The following CPQ variants were observed in gnomAD, a reference collection of about 807,000 sequenced individuals.
CPQ encodes Ser-Met dipeptidase.
A neutral mutation model predicts 45.7 loss-of-function variants in CPQ; 37 were observed. The observed-to-expected ratio is 0.81, with a 90% CI of 0.62 to 1.07. The LOEUF (loss-of-function observed/expected upper bound fraction) is 1.07. Among genes scored for constraint, CPQ ranks in the 50% least tolerant of loss-of-function variants. The pLI, the probability that CPQ is intolerant of heterozygous loss-of-function variation, is 0.00. For missense variants in CPQ, 537 were observed against 572.9 expected, an observed-to-expected ratio of 0.94 and a Z score of 0.64; for synonymous variants, 186 against 205.8, an observed-to-expected ratio of 0.90 and a Z score of 0.82.
intron 1 of CPQ, among the ~76,000 whole-genome samples, chr8:96,780,550 A>G (rs1586397729): frequency 6.6e-6 from 1 of 152,326 alleles, no homozygotes; most frequent in African/African-American, 2.4e-5. Flanking sequence ...GGTAAAATCA[A>G]TAATAACACA....
At chr8:96,863,738 G>T (rs1811961524) in intron 3 of CPQ, among the ~76,000 whole-genome samples, 1 of 152,018 alleles carries the variant, frequency 6.6e-6, no homozygotes, top group Non-Finnish European at 1.5e-5. Flanking sequence ...AAACAGCTTT[G>T]CTAGGCTCTT....
chr8:97,079,441 C>T (rs893511105), intron 7 of CPQ, among the ~76,000 whole-genome samples: 25 of 152,158 alleles, frequency 1.6e-4, no homozygotes, highest in African/African-American at 5.8e-4. Context: ...TTACTTATCT[C>T]ATAATTTCAT....
At chr8:96,990,014 C>T (rs1809060690) in intron 5 of CPQ, among the ~76,000 whole-genome samples, 1 of 152,146 alleles carries the variant, frequency 6.6e-6, no homozygotes, top group Admixed American at 6.6e-5. Flanking sequence ...GACACATCTT[C>T]TCTTGCACCA....
chr8:96,812,144 T>G (rs1811167928), intron 2 of CPQ, among the ~76,000 whole-genome samples: 3 of 152,148 alleles, frequency 2.0e-5, no homozygotes, highest in Admixed American at 1.3e-4. Context: ...AAATTTGCAT[T>G]TAAGAAAACT....
At chr8:96,651,298 A>G (rs188627834) in intron 1 of CPQ, among the ~76,000 whole-genome samples, 1 of 152,348 alleles carries the variant, frequency 6.6e-6, no homozygotes, top group East Asian at 1.9e-4. Context: ...ATGTAAATTC[A>G]CCAATATAGT....
At chr8:96,669,901 A>G (rs1355176272) in intron 1 of CPQ, among the ~76,000 whole-genome samples, 2 of 152,216 alleles carry the variant, frequency 1.3e-5, no homozygotes, top group African/African-American at 4.8e-5. Flanking sequence ...GGAAATACAG[A>G]GCTAGATTCC....
chr8:96,882,140 TA>T (rs1175257375), intron 4 of CPQ, among the ~76,000 whole-genome samples: 2 of 152,156 alleles, frequency 1.3e-5, no homozygotes, highest in Non-Finnish European at 2.9e-5. Flanking sequence ...TGTACTGCAG[TA>T]AAGATTCATT....
intron 4 of CPQ, among the ~76,000 whole-genome samples, chr8:96,911,384 G>C (rs1336096669): frequency 6.6e-6 from 1 of 152,102 alleles, no homozygotes; most frequent in Non-Finnish European, 1.5e-5. Flanking sequence ...CTCACCCAGG[G>C]GTCTGAGAGC....
At chr8:97,009,231 G>A (rs1293320466) in intron 5 of CPQ, among the ~76,000 whole-genome samples, 1 of 152,186 alleles carries the variant, frequency 6.6e-6, no homozygotes, top group Admixed American at 6.5e-5. Context: ...CTGGCCTCTA[G>A]CAATTATAAT....
intron 7 of CPQ, among the ~76,000 whole-genome samples, chr8:97,091,673 A>G (rs78393624): frequency 0.014 from 2,090 of 152,296 alleles, 46 homozygotes; most frequent in African/African-American, 0.047. Context: ...TTCAAAATGC[A>G]AATCCCTAGC....
At chr8:96,981,022 A>C (rs1813885847) in intron 5 of CPQ, among the ~76,000 whole-genome samples, 1 of 152,238 alleles carries the variant, frequency 6.6e-6, no homozygotes, top group Admixed American at 6.5e-5. Context: ...TAGTAGAAAC[A>C]GTAAATAGCT....
chr8:97,023,676 T>A (rs1809748201), intron 5 of CPQ, among the ~76,000 whole-genome samples: 1 of 152,194 alleles, frequency 6.6e-6, no homozygotes, highest in African/African-American at 2.4e-5. Flanking sequence ...TTATAGCTGT[T>A]AAGACCTGTT....
chr8:96,812,855 ATGT>A (rs1811176774), intron 2 of CPQ, among the ~76,000 whole-genome samples: 1 of 151,824 alleles, frequency 6.6e-6, no homozygotes, highest in Non-Finnish European at 1.5e-5. Context: ...TTCTGACCAC[ATGT>A]TGTTTCTTCT....
intron 2 of CPQ, among the ~76,000 whole-genome samples, chr8:96,808,020 G>A (rs376318987): frequency 2.0e-5 from 3 of 152,168 alleles, no homozygotes; most frequent in African/African-American, 7.2e-5. Flanking sequence ...ACAAAGCTGG[G>A]ATTCCGTGCT....
chr8:97,122,884 CAATAA>C (rs1193951271), intron 7 of CPQ, among the ~76,000 whole-genome samples: 1,992 of 70,924 alleles, frequency 0.028, 182 homozygotes, highest in Middle Eastern at 0.087. Context: ...AACTCTGTCT[CAATAA>C]AATAAAATAA....
chr8:96,673,366 T>C (rs561956099), intron 1 of CPQ, among the ~76,000 whole-genome samples: 3 of 152,230 alleles, frequency 2.0e-5, no homozygotes, highest in Admixed American at 1.3e-4. Flanking sequence ...TAGTGGGCCA[T>C]GACCAGTCTG....
chr8:97,029,256 A>G, intron 5 of CPQ, 147 bp from the exon 6 acceptor site: 1 of 714,882 alleles, frequency 1.4e-6, no homozygotes, highest in East Asian at 2.8e-5. Context: ...TGTGCTGGCC[A>G]TACCCTGAAG....
chr8:96,801,485 A>G (rs577339186), intron 2 of CPQ, among the ~76,000 whole-genome samples: 1 of 152,312 alleles, frequency 6.6e-6, no homozygotes, highest in South Asian at 2.1e-4. Flanking sequence ...TACAATGTAA[A>G]TTATTCACTT....
intron 1 of CPQ, among the ~76,000 whole-genome samples, chr8:96,680,261 T>A (rs966920752): frequency 1.3e-5 from 2 of 152,220 alleles, no homozygotes; most frequent in Non-Finnish European, 2.9e-5. Flanking sequence ...ATAGTTTTAG[T>A]TCATTGTTGA....
Sources: allele counts gnomAD v4.1 joint callset (sites outside exome capture counted in the v4.1 genomes callset), GRCh38; gene constraint gnomAD v4.1.1; transcripts MANE v1.5; gene names NCBI Gene and HGNC (gene_info 2026-07-23, HGNC 2026-07-21).